The following PRKG1 variants were observed in gnomAD, a reference collection of about 807,000 sequenced individuals.
PRKG1 encodes the protein protein kinase cGMP-dependent 1, also known as cGMP-dependent protein kinase 1.
Under a neutral mutation model 88.1 loss-of-function variants are expected in PRKG1, and 35 were observed. That is an observed-to-expected ratio of 0.40 (90% CI 0.30 to 0.53). The LOEUF is 0.53. Ranked by LOEUF, PRKG1 falls within the 20% of genes least tolerant of loss-of-function variation. The probability of loss-of-function intolerance (pLI) is 0.59; values close to 1 mark genes in which losing one functional copy is unlikely to be tolerated. For synonymous variants in PRKG1, 303 were observed against 292.5 expected, an observed-to-expected ratio of 1.04 and a Z score of -0.37; for missense variants, 540 against 839.8, an observed-to-expected ratio of 0.64 and a Z score of 4.41.
intron 4 of PRKG1, among the ~76,000 whole-genome samples, chr10:51,891,200 G>T (rs1339325713): frequency 6.6e-6 from 1 of 152,126 alleles, no homozygotes; most frequent in East Asian, 1.9e-4. Flanking sequence ...GGAGTTTGAG[G>T]CTACAGTGAA....
At chr10:51,725,338 A>G (rs1842105103) in intron 3 of PRKG1, among the ~76,000 whole-genome samples, 1 of 152,176 alleles carries the variant, frequency 6.6e-6, no homozygotes, top group African/African-American at 2.4e-5. Context: ...GGAGATTTGA[A>G]TGAATTAAAG....
intron 5 of PRKG1, among the ~76,000 whole-genome samples, chr10:51,990,419 G>A (rs1844274540): frequency 1.3e-5 from 2 of 152,050 alleles, no homozygotes; most frequent in South Asian, 4.1e-4. Context: ...ATAGCTTTGA[G>A]GAGTATGCAC....
At chr10:51,346,851 AT>A (rs1842124338) in intron 2 of PRKG1, among the ~76,000 whole-genome samples, 1 of 152,110 alleles carries the variant, frequency 6.6e-6, no homozygotes, top group Admixed American at 6.5e-5. Flanking sequence ...CCTCTGTTTT[AT>A]TTGTGGGGCT....
chr10:51,560,136 G>A (rs924154944), intron 3 of PRKG1, among the ~76,000 whole-genome samples: 3 of 152,142 alleles, frequency 2.0e-5, no homozygotes, highest in South Asian at 2.1e-4. Context: ...CCTGGCTTTG[G>A]TGAGCATTTT....
In PRKG1 at chr10:51,037,973, T is replaced by C. The variant is rs76709603; in HGVS notation, c.266+46329T>C. On this transcript the variant is annotated intron_variant, in intron 1 of 17. Transcript: ENST00000401604. ...AACAGGAGTTATAAACTTTTGACTT[T>C]ATTGTTTTTAACTTAGTAAGTGCTT... Among the ~76,000 whole-genome samples the C allele has an allele frequency of 1.6e-3, 248 of 152,336 alleles. 1 individual carries two copies. The highest frequency in any genetic ancestry group is 5.9e-3 in the African/African-American group (245 of 41,586).
chr10:51,172,514 C>T (rs938708517), intron 2 of PRKG1, among the ~76,000 whole-genome samples: 4 of 151,928 alleles, frequency 2.6e-5, no homozygotes, highest in Admixed American at 6.6e-5. Context: ...AAGGAAAGTA[C>T]CTACTTTTTA....
At chr10:51,947,599 C>T (rs1843079864) in intron 5 of PRKG1, among the ~76,000 whole-genome samples, 1 of 152,100 alleles carries the variant, frequency 6.6e-6, no homozygotes, top group Non-Finnish European at 1.5e-5. Flanking sequence ...CCTATTCGGC[C>T]ATCTTGGCTC....
rs375976057 is a variant in PRKG1 at position 51,392,672 on chromosome 10, T to C, written c.479-75051T>C. On this transcript the variant is annotated intron_variant, in intron 2 of 17. Coordinates refer to ENST00000373980, the MANE Select transcript of PRKG1 (RefSeq NM_006258.4). The stretch of plus-strand genomic sequence containing the variant: ...TACACCTCCCAGACGGGGTGGTGGC[T>C]GGGCAGAGGGGCTCCTCACTTCCCA... Among the ~76,000 whole-genome samples, 1,157 of 150,686 alleles carry C rather than the reference T, an allele frequency of 7.7e-3. 9 individuals carry two copies. The highest frequency in any genetic ancestry group is 0.026 in the African/African-American group (1,082 of 40,892).
At chr10:51,312,371 A>G (rs946728291) in intron 2 of PRKG1, among the ~76,000 whole-genome samples, 2 of 152,214 alleles carry the variant, frequency 1.3e-5, no homozygotes, top group Non-Finnish European at 2.9e-5. Context: ...GTAGGAGTTA[A>G]TAGTTGTGGC....
chr10:52,066,753 T>A (rs1846365216), intron 7 of PRKG1, among the ~76,000 whole-genome samples: 1 of 152,192 alleles, frequency 6.6e-6, no homozygotes, highest in Non-Finnish European at 1.5e-5. Flanking sequence ...ACCTAGATTT[T>A]AAAAATATGA....
intron 3 of PRKG1, among the ~76,000 whole-genome samples, chr10:51,529,783 A>G (rs76158309): frequency 9.8e-5 from 15 of 152,312 alleles, no homozygotes; most frequent in Non-Finnish European, 1.6e-4. Flanking sequence ...TACTTCATCA[A>G]ATTATGAAGA....
intron 7 of PRKG1, among the ~76,000 whole-genome samples, chr10:52,063,292 G>T (rs1846281022): frequency 1.3e-5 from 2 of 152,232 alleles, no homozygotes; most frequent in South Asian, 4.1e-4. Flanking sequence ...CCAGGTGCTG[G>T]CATGGGATCT....
chr10:52,216,480 A>G (rs1389500307), intron 9 of PRKG1, among the ~76,000 whole-genome samples: 1 of 152,242 alleles, frequency 6.6e-6, no homozygotes, highest in Non-Finnish European at 1.5e-5. Flanking sequence ...TTGAATAGTC[A>G]GAGTTAGATG....
At chr10:51,530,737 C>G (rs1204125724) in intron 3 of PRKG1, among the ~76,000 whole-genome samples, 1 of 152,202 alleles carries the variant, frequency 6.6e-6, no homozygotes, top group Non-Finnish European at 1.5e-5. Flanking sequence ...GCCCACACAG[C>G]CTGCCAAGAA....
At chr10:51,918,278 CT>C (rs1363650782) in intron 5 of PRKG1, among the ~76,000 whole-genome samples, 2 of 152,100 alleles carry the variant, frequency 1.3e-5, no homozygotes, top group South Asian at 2.1e-4. Context: ...TCTCCCACCC[CT>C]GACTCTTTCT....
intron 1 of PRKG1, among the ~76,000 whole-genome samples, chr10:51,047,785 T>G (rs1482152309): frequency 2.0e-5 from 3 of 152,036 alleles, no homozygotes; most frequent in Non-Finnish European, 4.4e-5. Context: ...ATATTTTCTA[T>G]CAAAAATGAA....
At chr10:51,155,054 A>G (rs1846172322) in intron 2 of PRKG1, among the ~76,000 whole-genome samples, 2 of 152,190 alleles carry the variant, frequency 1.3e-5, no homozygotes, top group East Asian at 3.9e-4. Flanking sequence ...AGCACCTTTT[A>G]ATAAAACAGC....
chr10:51,575,081 A>G (rs1837850400), intron 3 of PRKG1, among the ~76,000 whole-genome samples: 1 of 151,990 alleles, frequency 6.6e-6, no homozygotes, highest in South Asian at 2.1e-4. Flanking sequence ...TCTGCCATTC[A>G]CGGCTACAAG....
At chr10:52,236,090 C>A (rs1159999085) in intron 9 of PRKG1, among the ~76,000 whole-genome samples, 1 of 106,626 alleles carries the variant, frequency 9.4e-6, no homozygotes. Context: ...GAAATGAAGG[C>A]AGAAATAAAG....
Sources: gnomAD v4.1 joint callset for allele counts (sites outside exome capture counted in the v4.1 genomes callset) on GRCh38, gnomAD v4.1.1 for gene constraint, MANE v1.5 for transcripts, NCBI Gene and HGNC (gene_info 2026-07-23, HGNC 2026-07-21) for gene names.